HMGA2: variants seen among roughly 807,000 people sequenced by gnomAD.
HMGA2 encodes the protein high mobility group AT-hook 2, also known as high mobility group protein HMGI-C.
In HMGA2, 8 loss-of-function variants were observed where a neutral mutation model predicts 19.1. The ratio of observed to expected loss-of-function variants is 0.42; its 90% CI spans 0.25 to 0.76. HMGA2 has a LOEUF of 0.76. Among genes scored for constraint, HMGA2 ranks in the 30% least tolerant of loss-of-function variants. The probability of loss-of-function intolerance (pLI) is 0.28; values close to 1 mark genes in which losing one functional copy is unlikely to be tolerated. For missense variants in HMGA2, 109 were observed against 136.3 expected (o/e 0.80, Z 1.00); for synonymous variants, 60 against 48.8 (o/e 1.23, Z -0.96).
chr12:65,945,980 G>A (rs1400405930), intron 3 of HMGA2, among the ~76,000 whole-genome samples: 1 of 152,128 alleles, frequency 6.6e-6, no homozygotes, highest in Non-Finnish European at 1.5e-5. Flanking sequence ...GACTCTTTTG[G>A]AAGTTGAAAA....
In HMGA2 at chr12:65,900,280, T is replaced by C. The variant is rs375402945; in HGVS notation, c.250-51103T>C. Among the ~76,000 whole-genome samples the C allele has an allele frequency of 3.3e-5, 5 of 152,158 alleles. No homozygotes were observed. In the South Asian group the frequency reaches 1.0e-3, roughly 32 times the overall value. On this transcript the variant is annotated intron_variant, in intron 3 of 4. Transcript: ENST00000403681. ...TAGGAGGGCCTTAATGCACTCTAAA[T>C]TTGTACATGAAGATTTTGTTAAGAA...
intron 3 of HMGA2, among the ~76,000 whole-genome samples, chr12:65,903,592 G>C (rs1251034973): frequency 1.3e-5 from 2 of 152,268 alleles, no homozygotes; most frequent in African/African-American, 2.4e-5. Context: ...ACTGTGAGAA[G>C]GATCCAAGGT....
intron 3 of HMGA2, among the ~76,000 whole-genome samples, chr12:65,900,482 C>T (rs1874326305): frequency 6.6e-6 from 1 of 152,168 alleles, no homozygotes; most frequent in Non-Finnish European, 1.5e-5. Flanking sequence ...AATCTTGAAC[C>T]TGGTTCAGGT....
At chr12:65,959,926 G>C (rs1876704767) in intron 4 of HMGA2, among the ~76,000 whole-genome samples, 1 of 151,858 alleles carries the variant, frequency 6.6e-6, no homozygotes, top group Admixed American at 6.6e-5. Context: ...GTCTTGCTCT[G>C]TCGCCCAGGC....
chr12:65,875,321 A>G (rs1872930810), intron 3 of HMGA2, among the ~76,000 whole-genome samples: 5 of 152,218 alleles, frequency 3.3e-5, no homozygotes, highest in Admixed American at 2.0e-4. Flanking sequence ...ATTTACATAC[A>G]CTAGAGCTTG....
At chr12:65,871,914 A>G (rs1043510443) in intron 3 of HMGA2, among the ~76,000 whole-genome samples, 1 of 152,200 alleles carries the variant, frequency 6.6e-6, no homozygotes, top group Admixed American at 6.5e-5. Context: ...GAAAATAACC[A>G]ATTGCCTTCT....
At chr12:65,886,775 T>C (rs1873676728) in intron 3 of HMGA2, among the ~76,000 whole-genome samples, 1 of 152,158 alleles carries the variant, frequency 6.6e-6, no homozygotes, top group Non-Finnish European at 1.5e-5. Context: ...GACCATTGAC[T>C]TCCAGAGAAA....
At chr12:65,841,428 A>T (rs193254620) in intron 3 of HMGA2, among the ~76,000 whole-genome samples, 1 of 152,216 alleles carries the variant, frequency 6.6e-6, no homozygotes, top group Non-Finnish European at 1.5e-5. Flanking sequence ...AGGAAATTGT[A>T]TATTTTTTCT....
intron 3 of HMGA2, among the ~76,000 whole-genome samples, chr12:65,853,113 G>A (rs1871558629): frequency 6.6e-6 from 1 of 152,162 alleles, no homozygotes; most frequent in South Asian, 2.1e-4. Flanking sequence ...CTGACGTGTG[G>A]GGAACTGGGA....
At chr12:65,937,088 AG>A (rs1181795615) in intron 3 of HMGA2, among the ~76,000 whole-genome samples, 1 of 152,222 alleles carries the variant, frequency 6.6e-6, no homozygotes, top group Non-Finnish European at 1.5e-5. Context: ...CTACAATCAA[AG>A]ATAGCACCTT....
At chr12:65,888,554 CTTTTTTTTT>C (rs1180942808) in intron 3 of HMGA2, among the ~76,000 whole-genome samples, 2 of 40,578 alleles carry the variant, frequency 4.9e-5, no homozygotes, top group African/African-American at 1.0e-4. Flanking sequence ...GTGGTGTGCT[CTTTTTTTTT>C]TTTTTTTTTT....
chr12:65,888,580 T>TTC (rs1873764654), intron 3 of HMGA2, among the ~76,000 whole-genome samples: 1 of 105,700 alleles, frequency 9.5e-6, no homozygotes, highest in Non-Finnish European at 1.9e-5. Context: ...TTTTTTTTTT[T>TTC]TGAGACAGAG....
intron 4 of HMGA2, chr12:65,952,234 A>C (rs1287174732): frequency 1.2e-5 from 8 of 674,604 alleles, no homozygotes; most frequent in Non-Finnish European, 1.8e-5. Context: ...CTGCTAAAAT[A>C]AGTAGTAAGC....
At chr12:65,905,210 T>C (rs1404820297) in intron 3 of HMGA2, among the ~76,000 whole-genome samples, 2 of 143,880 alleles carry the variant, frequency 1.4e-5, no homozygotes, top group African/African-American at 2.7e-5. Context: ...ACACACATAA[T>C]AGAAAATAAG....
intron 3 of HMGA2, among the ~76,000 whole-genome samples, chr12:65,890,283 CT>C: frequency 6.6e-6 from 1 of 152,150 alleles, no homozygotes; most frequent in Non-Finnish European, 1.5e-5. Context: ...TTTTATGTCT[CT>C]TTGCACGTCC....
At chr12:65,932,418 A>G (rs1034266404) in intron 3 of HMGA2, among the ~76,000 whole-genome samples, 13 of 152,246 alleles carry the variant, frequency 8.5e-5, no homozygotes, top group African/African-American at 3.1e-4. Context: ...ATATTCTTTC[A>G]TTCTTTCTTC....
At chr12:65,953,415 G>C (rs1048678002) in intron 4 of HMGA2, 1 of 152,088 alleles carries the variant, frequency 6.6e-6, no homozygotes. Context: ...AGTTGCAGAA[G>C]GGAAAACTGA....
At chr12:65,949,954 T>C (rs1403656490) in intron 3 of HMGA2, among the ~76,000 whole-genome samples, 1 of 152,226 alleles carries the variant, frequency 6.6e-6, no homozygotes, top group African/African-American at 2.4e-5. Flanking sequence ...GAAAAGATGC[T>C]CAACATCATT....
intron 3 of HMGA2, chr12:65,842,523 T>C (rs1270291719): frequency 8.2e-7 from 1 of 1,215,122 alleles, no homozygotes; most frequent in Non-Finnish European, 1.2e-6. Flanking sequence ...TTATGCTGAA[T>C]ATTAATCAAG....
Sources: gnomAD v4.1 joint callset for allele counts (sites outside exome capture counted in the v4.1 genomes callset) on GRCh38, gnomAD v4.1.1 for gene constraint, MANE v1.5 for transcripts, NCBI Gene and HGNC (gene_info 2026-07-23, HGNC 2026-07-21) for gene names.